Variants in CRPPA observed in about 807,000 individuals in gnomAD.
The protein encoded by CRPPA is D-ribitol-5-phosphate cytidylyltransferase.
Under a neutral mutation model 52.0 loss-of-function variants are expected in CRPPA, and 43 were observed. The ratio of observed to expected loss-of-function variants is 0.83; its 90% CI spans 0.65 to 1.07. The LOEUF (loss-of-function observed/expected upper bound fraction) is 1.07, where lower values mean the gene tolerates loss of function less well. Among genes scored for constraint, CRPPA ranks in the 50% least tolerant of loss-of-function variants. CRPPA has a pLI of 0.00. For missense variants in CRPPA, 629 were observed against 551.7 expected, an observed-to-expected ratio of 1.14 and a Z score of -1.40; for synonymous variants, 250 against 203.5, an observed-to-expected ratio of 1.23 and a Z score of -1.94.
intron 3 of CRPPA, among the ~76,000 whole-genome samples, chr7:16,313,220 T>C (rs987638545): frequency 6.6e-6 from 1 of 151,924 alleles, no homozygotes; most frequent in African/African-American, 2.4e-5. Flanking sequence ...TATTAGGTGG[T>C]TAATTATTGA....
At chr7:16,273,856 G>A (rs374872697) in intron 6 of CRPPA, among the ~76,000 whole-genome samples, 9 of 152,198 alleles carry the variant, frequency 5.9e-5, no homozygotes, top group East Asian at 3.9e-4. Flanking sequence ...CTGCCATCGC[G>A]CCCAGAAGGA....
intron 3 of CRPPA, among the ~76,000 whole-genome samples, chr7:16,314,337 T>C (rs1785098335): frequency 6.6e-6 from 1 of 152,068 alleles, no homozygotes; most frequent in African/African-American, 2.4e-5. Context: ...TGCCACTTGG[T>C]GAATAGGGCA....
intron 3 of CRPPA, among the ~76,000 whole-genome samples, chr7:16,345,663 TA>T (rs1191339721): frequency 6.6e-6 from 1 of 152,132 alleles, no homozygotes; most frequent in Non-Finnish European, 1.5e-5. Context: ...AATTTTCAGT[TA>T]AAAAATATGT....
In CRPPA at chr7:16,112,472, G is replaced by A. The variant is rs144945688; in HGVS notation, c.1252-20673C>T. On this transcript the variant is annotated intron_variant, in intron 9 of 9. Transcript: ENST00000407010. Reference sequence around the variant, plus strand: ...AGCAAAAAAGAAGTCATATTTAGAAGATACCTTCAAATTTAAAGAAAAAAT... The same window carrying A: ...AGCAAAAAAGAAGTCATATTTAGAAAATACCTTCAAATTTAAAGAAAAAAT... 2.5e-3 allele frequency among the ~76,000 whole-genome samples: 373 copies of A among 152,154 alleles called. 3 individuals carry two copies. Among genetic ancestry groups the A allele is most frequent in the African/African-American group, 8.6e-3 (357 of 41,530 alleles).
At chr7:16,339,041 G>A (rs1024398924) in intron 3 of CRPPA, among the ~76,000 whole-genome samples, 9 of 151,776 alleles carry the variant, frequency 5.9e-5, no homozygotes, top group African/African-American at 9.7e-5. Context: ...TCCTGACCTC[G>A]TGATCCGCCC....
At chr7:16,328,616 G>A (rs771116518) in intron 3 of CRPPA, among the ~76,000 whole-genome samples, 4 of 152,246 alleles carry the variant, frequency 2.6e-5, no homozygotes, top group Non-Finnish European at 4.4e-5. Context: ...CCAGGTTCAA[G>A]CGATTCTCCT....
intron 5 of CRPPA, among the ~76,000 whole-genome samples, chr7:16,280,725 A>C (rs528491045): frequency 1.5e-4 from 23 of 152,340 alleles, no homozygotes; most frequent in African/African-American, 4.6e-4. Flanking sequence ...AAATGAATTC[A>C]AAATCTATTT....
At chr7:16,223,271 A>G (rs1247567799) in intron 8 of CRPPA, among the ~76,000 whole-genome samples, 1 of 152,156 alleles carries the variant, frequency 6.6e-6, no homozygotes, top group African/African-American at 2.4e-5. Flanking sequence ...CTACAGAATT[A>G]CCTTTGTTAC....
At chr7:16,418,280 G>A (rs762442589) in intron 1 of CRPPA, among the ~76,000 whole-genome samples, 58 of 152,164 alleles carry the variant, frequency 3.8e-4, no homozygotes, top group Non-Finnish European at 4.1e-4. Context: ...GAGCCATGAA[G>A]TATTTCAGAA....
chr7:16,181,938 A>G (rs1201101720), intron 9 of CRPPA, among the ~76,000 whole-genome samples: 1 of 151,978 alleles, frequency 6.6e-6, no homozygotes, highest in Non-Finnish European at 1.5e-5. Context: ...GTTCATATAT[A>G]TACATATAAA....
intron 2 of CRPPA, among the ~76,000 whole-genome samples, chr7:16,388,714 A>C (rs1787360557): frequency 1.3e-5 from 2 of 152,148 alleles, no homozygotes. Context: ...GTCTCTACTA[A>C]AAATACAAAA....
intron 5 of CRPPA, among the ~76,000 whole-genome samples, chr7:16,297,820 A>G (rs1051244112): frequency 2.6e-5 from 4 of 152,200 alleles, no homozygotes; most frequent in African/African-American, 9.6e-5. Flanking sequence ...GAACTCTACC[A>G]CTGGCTTTCC....
intron 2 of CRPPA, among the ~76,000 whole-genome samples, chr7:16,405,386 A>G (rs558887501): frequency 6.6e-6 from 1 of 152,260 alleles, no homozygotes; most frequent in Admixed American, 6.5e-5. Flanking sequence ...AAAAAGACAG[A>G]TTTGGACCTA....
chr7:16,101,327 C>T (rs1418906201), intron 9 of CRPPA, among the ~76,000 whole-genome samples: 1 of 152,084 alleles, frequency 6.6e-6, no homozygotes, highest in African/African-American at 2.4e-5. Context: ...GCCTCAATTT[C>T]AGAACTTGCT....
intron 3 of CRPPA, among the ~76,000 whole-genome samples, chr7:16,366,369 G>A (rs1284244008): frequency 6.6e-6 from 1 of 152,078 alleles, no homozygotes; most frequent in East Asian, 1.9e-4. Flanking sequence ...TAGCAATGTA[G>A]TTCAATTAAA....
At chr7:16,141,589 C>T (rs780238041) in intron 9 of CRPPA, among the ~76,000 whole-genome samples, 35 of 152,240 alleles carry the variant, frequency 2.3e-4, no homozygotes, top group East Asian at 3.9e-4. Context: ...TTCTATCATT[C>T]GCTGTAATTC....
chr7:16,103,906 T>G (rs781355973), intron 9 of CRPPA, among the ~76,000 whole-genome samples: 67 of 152,152 alleles, frequency 4.4e-4, no homozygotes, highest in Non-Finnish European at 7.6e-4. Flanking sequence ...TTTGTTCACA[T>G]AACATTTAGT....
Position 16,274,895 on chromosome 7 carries a change from A to T in CRPPA, c.933+3234T>A, listed in dbSNP as rs192302341. ...GTCTTTGAATCTCTGCAGACCCTTC[A>T]TAAAAACAGAAAAAGCAAGGAGGAT... On this transcript the variant is annotated intron_variant, in intron 6 of 9. Transcript: ENST00000407010. 1.8e-4 allele frequency among the ~76,000 whole-genome samples: 28 copies of T among 152,262 alleles called. No individual in the cohort carries two copies. In the East Asian group the frequency reaches 5.4e-3, roughly 29 times the overall value.
intron 3 of CRPPA, among the ~76,000 whole-genome samples, chr7:16,355,960 A>G (rs945450581): frequency 6.6e-6 from 1 of 152,116 alleles, no homozygotes; most frequent in Non-Finnish European, 1.5e-5. Flanking sequence ...AGATCAGATG[A>G]TTTGATCGGT....
Sources: gnomAD v4.1 joint callset for allele counts (sites outside exome capture counted in the v4.1 genomes callset) on GRCh38, gnomAD v4.1.1 for gene constraint, MANE v1.5 for transcripts, NCBI Gene and HGNC (gene_info 2026-07-23, HGNC 2026-07-21) for gene names.